The following SHROOM3 variants were observed in gnomAD, a reference collection of about 807,000 sequenced individuals.
SHROOM3 encodes the protein shroom family member 3.
A neutral mutation model predicts 138.6 loss-of-function variants in SHROOM3; 47 were observed. The observed-to-expected ratio is 0.34, with a 90% CI of 0.27 to 0.43. The LOEUF is 0.43. Among genes scored for constraint, SHROOM3 ranks in the 20% least tolerant of loss-of-function variants. The pLI, the probability that SHROOM3 is intolerant of heterozygous loss-of-function variation, is 1.00. For missense variants in SHROOM3, 2,491 were observed against 2,596.5 expected (o/e 0.96, Z 0.88); for synonymous variants, 1,062 against 1,063.3 (o/e 1.00, Z 0.02).
intron 2 of SHROOM3, among the ~76,000 whole-genome samples, chr4:76,587,618 T>C (rs1734181753): frequency 6.6e-6 from 1 of 152,204 alleles, no homozygotes. Flanking sequence ...AGCAGTTAGC[T>C]AAAGTGTCTT....
chr4:76,440,549 A>G (rs1730648994), intron 1 of SHROOM3, among the ~76,000 whole-genome samples: 1 of 152,214 alleles, frequency 6.6e-6, no homozygotes, highest in Non-Finnish European at 1.5e-5. Context: ...AATAGGTCTG[A>G]CTACTGCTCA....
intron 2 of SHROOM3, among the ~76,000 whole-genome samples, chr4:76,564,479 T>A (rs1056011749): frequency 1.3e-5 from 2 of 152,190 alleles, no homozygotes; most frequent in Non-Finnish European, 2.9e-5. Context: ...TTTGGACTTC[T>A]AGGCTTGAAT....
chr4:76,590,127 G>T (rs1372263879), intron 2 of SHROOM3, among the ~76,000 whole-genome samples: 1 of 152,172 alleles, frequency 6.6e-6, no homozygotes, highest in Non-Finnish European at 1.5e-5. Flanking sequence ...ATCACTCTGT[G>T]ACTGAAAGAG....
In SHROOM3 at chr4:76,743,443, T is replaced by C. The variant is rs1294502805; in HGVS notation, c.3753+1517T>C. ...AATCAGTTCCTCTGTATGTGACGAT[T>C]GATCCATCTCTGGCCTGAAATAATG... On this transcript the variant is annotated intron_variant, in intron 5 of 10. Coordinates refer to ENST00000296043, the MANE Select transcript of SHROOM3 (RefSeq NM_020859.4). Among the ~76,000 whole-genome samples, 3 of 152,352 alleles carry C rather than the reference T, an allele frequency of 2.0e-5. No individual in the cohort carries two copies. In the South Asian group the frequency reaches 6.2e-4, roughly 32 times the overall value.
Position 76,741,993 on chromosome 4 carries a change from C to G in SHROOM3, c.3753+67C>G. 6.4e-7 allele frequency: 1 copy of G among 1,562,772 alleles called. No homozygotes were observed. The highest frequency in any genetic ancestry group is 8.7e-7 in the Non-Finnish European group (1 of 1,148,616). On this transcript the variant is annotated intron_variant, in intron 5 of 10. Coordinates refer to ENST00000296043, the MANE Select transcript of SHROOM3 (RefSeq NM_020859.4). The surrounding 1 kb of genome is among the most constrained non-coding windows in gnomAD (Gnocchi z 6.2). Reference sequence around the variant, plus strand: ...CTCCCTAGAAGCTTTAGTGGGGCTCCCCAACCCCCCACACTCTCACCCGCT... The same window carrying G: ...CTCCCTAGAAGCTTTAGTGGGGCTCGCCAACCCCCCACACTCTCACCCGCT...
chr4:76,689,614 C>T (rs1719452230), intron 2 of SHROOM3: 2 of 985,170 alleles, frequency 2.0e-6, no homozygotes, highest in African/African-American at 1.7e-5. Context: ...CGCGCGCCGC[C>T]TCCTCGGAGC....
At chr4:76,707,860 G>A (rs553105183) in intron 2 of SHROOM3, among the ~76,000 whole-genome samples, 1 of 152,108 alleles carries the variant, frequency 6.6e-6, no homozygotes, top group African/African-American at 2.4e-5. Context: ...TTGAAGGGAG[G>A]AAAGGTGTGC....
chr4:76,461,881 C>G (rs1731148913), intron 1 of SHROOM3, among the ~76,000 whole-genome samples: 1 of 152,202 alleles, frequency 6.6e-6, no homozygotes, highest in South Asian at 2.1e-4. Flanking sequence ...ATGAATAAAT[C>G]TGCACAGGCC....
chr4:76,748,885 G>T, intron 5 of SHROOM3, 132 bp from the exon 6 acceptor site: 23 of 624,644 alleles, frequency 3.7e-5, no homozygotes, highest in Non-Finnish European at 4.9e-5. Flanking sequence ...TTATGTAAGA[G>T]TGCCACCACG....
At chr4:76,488,438 G>C (rs1288711950) in intron 1 of SHROOM3, among the ~76,000 whole-genome samples, 1 of 152,218 alleles carries the variant, frequency 6.6e-6, no homozygotes, top group Non-Finnish European at 1.5e-5. Context: ...AGTAGACAAT[G>C]AGAATGATGC....
chr4:76,457,779 C>T (rs1254642084), intron 1 of SHROOM3, among the ~76,000 whole-genome samples: 2 of 151,106 alleles, frequency 1.3e-5, no homozygotes. Context: ...CGTGAGCCAC[C>T]GAGCCTGGCT....
chr4:76,731,360 C>T (rs1380389894), intron 4 of SHROOM3, among the ~76,000 whole-genome samples: 1 of 152,182 alleles, frequency 6.6e-6, no homozygotes, highest in Admixed American at 6.5e-5. Flanking sequence ...GTAATTTGTC[C>T]ATCTTAGCTC....
At chr4:76,605,211 G>A (rs1434350489) in intron 2 of SHROOM3, among the ~76,000 whole-genome samples, 1 of 152,176 alleles carries the variant, frequency 6.6e-6, no homozygotes, top group Non-Finnish European at 1.5e-5. Context: ...TGTCGGTGCA[G>A]CAGTGGAGTC....
At chr4:76,713,025 A>G (rs1224592024) in intron 3 of SHROOM3, among the ~76,000 whole-genome samples, 1 of 152,236 alleles carries the variant, frequency 6.6e-6, no homozygotes, top group Non-Finnish European at 1.5e-5. Flanking sequence ...ATACACCTAC[A>G]TAGGGCACTC....
At chr4:76,482,730 C>A (rs888694273) in intron 1 of SHROOM3, among the ~76,000 whole-genome samples, 1 of 152,116 alleles carries the variant, frequency 6.6e-6, no homozygotes, top group Non-Finnish European at 1.5e-5. Flanking sequence ...GGAGGCATCA[C>A]GCTACCTAAC....
intron 8 of SHROOM3, 148 bp from the exon 9 acceptor site, chr4:76,759,397 C>A: frequency 1.9e-6 from 2 of 1,069,320 alleles, no homozygotes; most frequent in South Asian, 1.4e-5. Context: ...AGTAATCACT[C>A]ATTAGTTAAC....
At chr4:76,754,290 C>G (rs1481167662) in intron 6 of SHROOM3, 21 bp from the exon 7 acceptor site, 2 of 1,613,940 alleles carry the variant, frequency 1.2e-6, no homozygotes, top group Non-Finnish European at 1.7e-6. Context: ...CTGTAACCCT[C>G]CTGTCTGTGT....
In SHROOM3 at chr4:76,741,015, C is replaced by G; in HGVS notation, c.2842C>G (p.Leu948Val). 1 of 1,486,148 alleles carries G rather than the reference C, an allele frequency of 6.7e-7. No homozygotes were observed. The highest frequency in any genetic ancestry group is 8.9e-7 in the Non-Finnish European group (1 of 1,122,062). 92.1% of individuals were successfully genotyped at this position (1,486,148 alleles called of 1,614,324 possible). A position where few individuals can be genotyped will look rare whatever the true frequency, so the allele number is the denominator to read the frequency against. Reference sequence around the variant, plus strand: ...CTCCTTTCGACGTCGAGACCTGGAGCTGGGGGCGCCCGTGGCGTCGAGGTC... The same window carrying G: ...CTCCTTTCGACGTCGAGACCTGGAGGTGGGGGCGCCCGTGGCGTCGAGGTC... Reference protein sequence around the residue: ...ATSFRRRDLELGAPVASRSWR... With the variant: ...ATSFRRRDLEVGAPVASRSWR... The change falls in exon 5 of 11, where the codon CTG (leucine) becomes GTG (valine). Residue 948 changes from leucine (L) to valine (V), a missense_variant. Physicochemically the swap from Leu to Val is conservative, Grantham distance 32. Transcript: ENST00000296043. This position sits in a 1 kb window ranked among gnomAD's most constrained non-coding sequence, Gnocchi z 6.2.
At chr4:76,657,036 G>T (rs769223361) in intron 2 of SHROOM3, among the ~76,000 whole-genome samples, 7 of 152,048 alleles carry the variant, frequency 4.6e-5, no homozygotes, top group Non-Finnish European at 7.4e-5. Flanking sequence ...AATTAGATGG[G>T]CGTGGTGGCA....
Sources: gnomAD v4.1 joint callset for allele counts (sites outside exome capture counted in the v4.1 genomes callset) on GRCh38, gnomAD v4.1.1 for gene constraint, Gnocchi (gnomAD v3.1) non-coding constraint, MANE v1.5 for transcripts, NCBI Gene and HGNC (gene_info 2026-07-23, HGNC 2026-07-21) for gene names.